Variants in ABLIM1 observed in about 807,000 individuals in gnomAD.
The protein encoded by ABLIM1 is actin binding LIM protein 1.
In ABLIM1, 40 loss-of-function variants were observed where a neutral mutation model predicts 107.0. That is an observed-to-expected ratio of 0.37 (90% CI 0.29 to 0.49). The LOEUF is 0.49. Ranked by LOEUF, ABLIM1 falls within the 20% of genes least tolerant of loss-of-function variation. ABLIM1 has a pLI of 0.97. For missense variants in ABLIM1, 857 were observed against 1,008.5 expected (o/e 0.85, Z 2.04); for synonymous variants, 357 against 357.3 (o/e 1.00, Z 0.01).
rs569561544 is a variant in ABLIM1, at chr10:114,517,860, C to T, written c.895-25982G>A. ...AAAACCCCCTTTGGAAACATAGTAA[C>T]GCTGCACGGGCTGACATGGATCCCC... On this transcript the variant is annotated intron_variant, in intron 6 of 22. Transcript: ENST00000533213. 5.6e-4 allele frequency among the ~76,000 whole-genome samples: 85 copies of T among 152,238 alleles called. No individual in the cohort carries two copies. In the Middle Eastern group the frequency reaches 0.017, roughly 30 times the overall value.
chr10:114,486,617 G>A (rs974305969), intron 8 of ABLIM1, among the ~76,000 whole-genome samples: 3 of 152,186 alleles, frequency 2.0e-5, no homozygotes, highest in Non-Finnish European at 1.5e-5. Flanking sequence ...AGGACTCTGT[G>A]TGTCAAAAAC....
At chr10:114,601,744 T>C in intron 2 of ABLIM1, 83 bp downstream of exon 2, 1 of 1,592,596 alleles carries the variant, frequency 6.3e-7, no homozygotes, top group Non-Finnish European at 8.6e-7. Flanking sequence ...AGTGACCGGA[T>C]GTGGAGTTAA....
At chr10:114,470,654 C>T (rs2066331894) in intron 10 of ABLIM1, among the ~76,000 whole-genome samples, 1 of 152,054 alleles carries the variant, frequency 6.6e-6, no homozygotes, top group African/African-American at 2.4e-5. Context: ...ATGCTGATTA[C>T]GAGAGTAGCC....
intron 8 of ABLIM1, among the ~76,000 whole-genome samples, chr10:114,484,506 CT>C (rs2057886699): frequency 6.6e-6 from 1 of 152,140 alleles, no homozygotes; most frequent in South Asian, 2.1e-4. Context: ...CCTCAGCCTC[CT>C]AAGTAGCTGG....
intron 1 of ABLIM1, among the ~76,000 whole-genome samples, chr10:114,699,393 A>G (rs2141825669): frequency 6.6e-6 from 1 of 152,276 alleles, no homozygotes; most frequent in African/African-American, 2.4e-5. Flanking sequence ...GATAATTTAT[A>G]TTGGTTTTCA....
chr10:114,559,861 C>T (rs2069410258), intron 4 of ABLIM1, among the ~76,000 whole-genome samples: 1 of 152,114 alleles, frequency 6.6e-6, no homozygotes, highest in African/African-American at 2.4e-5. Flanking sequence ...GCCATATGGT[C>T]CTCTGCTCAA....
the ABLIM1 span, among the ~76,000 whole-genome samples, chr10:114,787,613 G>A: frequency 4.4e-5 from 6 of 137,748 alleles, no homozygotes; most frequent in Non-Finnish European, 9.5e-5. Context: ...CAGCCGCCCC[G>A]TCCGGGAGGT....
chr10:114,525,325 G>T (rs1180304131), intron 6 of ABLIM1, among the ~76,000 whole-genome samples: 1 of 152,206 alleles, frequency 6.6e-6, no homozygotes, highest in Non-Finnish European at 1.5e-5. Flanking sequence ...GTGAGCTATT[G>T]TTTAGTTGAA....
chr10:114,677,154 G>C (rs1456581820), intron 1 of ABLIM1, among the ~76,000 whole-genome samples: 1 of 152,106 alleles, frequency 6.6e-6, no homozygotes, highest in Non-Finnish European at 1.5e-5. Context: ...CACTGCTGCT[G>C]GCCTATGAGC....
At chr10:114,795,561 T>C in the ABLIM1 span, among the ~76,000 whole-genome samples, 1 of 152,000 alleles carries the variant, frequency 6.6e-6, no homozygotes, top group African/African-American at 2.4e-5. Context: ...ATTAAAAAAC[T>C]AGCCAGGCGT....
chr10:114,694,340 C>A (rs901147602), intron 1 of ABLIM1, among the ~76,000 whole-genome samples: 1 of 152,148 alleles, frequency 6.6e-6, no homozygotes, highest in African/African-American at 2.4e-5. Flanking sequence ...TGGATGAATG[C>A]CACAGTTGCT....
At chr10:114,610,119 A>C (rs1476611967) in intron 1 of ABLIM1, among the ~76,000 whole-genome samples, 1 of 152,222 alleles carries the variant, frequency 6.6e-6, no homozygotes, top group Admixed American at 6.5e-5. Flanking sequence ...TCATCATTCC[A>C]AAAGCAACAC....
In ABLIM1 at chr10:114,707,117, T is replaced by C. The variant is rs1411617865; in HGVS notation, c.-213+60944A>G. Among the ~76,000 whole-genome samples the C allele has an allele frequency of 3.3e-5, 5 of 152,210 alleles. No individual in the cohort carries two copies. Among genetic ancestry groups the C allele is most frequent in the African/African-American group, 4.8e-5 (2 of 41,450 alleles). ...TTTAAGATTTTTATTTAACCTAATA[T>C]ATCAAAAATACTGTCATTTCAAACG... On this transcript the variant is annotated intron_variant, in intron 1 of 15. Transcript: ENST00000651092. The surrounding 1 kb of genome is among the most constrained non-coding windows in gnomAD (Gnocchi z 4.1).
intron 2 of ABLIM1, among the ~76,000 whole-genome samples, chr10:114,584,914 T>C (rs965830587): frequency 1.3e-5 from 2 of 152,192 alleles, no homozygotes. Flanking sequence ...ACTTGTTGTT[T>C]AACCTGTTGT....
chr10:114,786,341 A>C, the ABLIM1 span, among the ~76,000 whole-genome samples: 2 of 152,184 alleles, frequency 1.3e-5, no homozygotes, highest in African/African-American at 4.8e-5. Context: ...AAAGCTACAA[A>C]ATACCTCAAA....
At chr10:114,551,852 G>C (rs1240892673) in intron 4 of ABLIM1, among the ~76,000 whole-genome samples, 2 of 152,142 alleles carry the variant, frequency 1.3e-5, no homozygotes, top group African/African-American at 4.8e-5. Context: ...GAAGCTCTCT[G>C]ACTTCACAGG....
At chr10:114,684,771 A>G (rs538910160) in exon 1 of ABLIM1, 24 of 956,862 alleles carry the variant, frequency 2.5e-5, no homozygotes, top group Non-Finnish European at 2.9e-5. Flanking sequence ...GATCACTATC[A>G]TTTCACAATA....
chr10:114,636,703 G>A (rs1228998057), intron 1 of ABLIM1, among the ~76,000 whole-genome samples: 1 of 152,142 alleles, frequency 6.6e-6, no homozygotes, highest in African/African-American at 2.4e-5. Flanking sequence ...CTCTCTGAAG[G>A]CAAGGAGGGT....
rs58418721 is a variant in ABLIM1 at position 114,434,280 on chromosome 10, AACACACACACACAC to A, written c.*1966_*1979del. The A allele has an allele frequency of 0.013, 1,813 of 138,844 alleles. 40 individuals are homozygous for A. The highest frequency in any genetic ancestry group is 0.043 in the African/African-American group (1,592 of 36,658). 8.6% of individuals were successfully genotyped at this position (138,844 alleles called of 1,614,324 possible). On this transcript the variant is annotated 3_prime_UTR_variant, in exon 23 of 23. Transcript: ENST00000533213. ...ATTTGCTAAACATGTTAGTAGATCCAACACACACACACACACACACACACACACACACACACACA... is the reference window on the plus strand; with the variant it reads ...ATTTGCTAAACATGTTAGTAGATCCAACACACACACACACACACACACACA...
Sources: allele counts gnomAD v4.1 joint callset (sites outside exome capture counted in the v4.1 genomes callset), GRCh38; gene constraint gnomAD v4.1.1; non-coding constraint Gnocchi (gnomAD v3.1); transcripts MANE v1.5; gene names NCBI Gene and HGNC (gene_info 2026-07-23, HGNC 2026-07-21).